LRMDA: variants seen among roughly 807,000 people sequenced by gnomAD.
The protein encoded by LRMDA is leucine-rich melanocyte differentiation-associated protein.
Under a neutral mutation model 29.8 loss-of-function variants are expected in LRMDA, and 18 were observed. That is an observed-to-expected ratio of 0.60 (90% CI 0.42 to 0.90). LRMDA has a LOEUF of 0.90. Ranked by LOEUF, LRMDA falls within the 40% of genes least tolerant of loss-of-function variation. LRMDA has a pLI of 0.00. For missense variants in LRMDA, 273 were observed against 273.9 expected (o/e 1.00, Z 0.02); for synonymous variants, 125 against 109.4 (o/e 1.14, Z -0.89).
At chr10:75,522,556 T>A (rs1056800275) in intron 2 of LRMDA, among the ~76,000 whole-genome samples, 3 of 152,170 alleles carry the variant, frequency 2.0e-5, no homozygotes, top group Non-Finnish European at 2.9e-5. Flanking sequence ...ACCTCCTTGT[T>A]TTAAAGAGAA....
At chr10:76,479,289 T>C (rs1842712544) in intron 6 of LRMDA, among the ~76,000 whole-genome samples, 1 of 151,826 alleles carries the variant, frequency 6.6e-6, no homozygotes, top group Non-Finnish European at 1.5e-5. Flanking sequence ...TACTAGGCAA[T>C]GTGGGGCAAG....
intron 5 of LRMDA, among the ~76,000 whole-genome samples, chr10:76,305,328 G>C (rs1470304318): frequency 6.6e-6 from 1 of 152,218 alleles, no homozygotes; most frequent in East Asian, 1.9e-4. Context: ...AACGGAGTCA[G>C]GAAAAATGTT....
At chr10:75,947,595 G>C (rs925519596) in intron 2 of LRMDA, among the ~76,000 whole-genome samples, 1 of 152,172 alleles carries the variant, frequency 6.6e-6, no homozygotes, top group Admixed American at 6.5e-5. Context: ...TTTTAGCTGG[G>C]TGACCTTGGG....
At chr10:75,987,660 T>C (rs1847284162) in intron 2 of LRMDA, among the ~76,000 whole-genome samples, 1 of 152,162 alleles carries the variant, frequency 6.6e-6, no homozygotes, top group African/African-American at 2.4e-5. Flanking sequence ...CTTCGAAGTC[T>C]TTCCAGATGG....
At chr10:75,836,238 T>C (rs1296456033) in intron 2 of LRMDA, among the ~76,000 whole-genome samples, 1 of 152,180 alleles carries the variant, frequency 6.6e-6, no homozygotes, top group Non-Finnish European at 1.5e-5. Flanking sequence ...GCTAGATTCT[T>C]GCAGCTGCAC....
chr10:76,521,479 T>C (rs1014095722), intron 6 of LRMDA, among the ~76,000 whole-genome samples: 2 of 152,224 alleles, frequency 1.3e-5, no homozygotes, highest in Non-Finnish European at 2.9e-5. Flanking sequence ...ATAGAGTCAA[T>C]ACATAATTAT....
chr10:75,627,702 C>T (rs938008879), intron 2 of LRMDA, among the ~76,000 whole-genome samples: 1 of 152,190 alleles, frequency 6.6e-6, no homozygotes, highest in African/African-American at 2.4e-5. Flanking sequence ...AAATCTACCT[C>T]TACCACAGGA....
chr10:76,033,154 C>A (rs1848179819), intron 2 of LRMDA, among the ~76,000 whole-genome samples: 1 of 152,150 alleles, frequency 6.6e-6, no homozygotes, highest in South Asian at 2.1e-4. Context: ...CAAAACCTAT[C>A]TTCCCCAGTA....
intron 2 of LRMDA, among the ~76,000 whole-genome samples, chr10:75,508,372 C>T (rs933610987): frequency 1.4e-4 from 21 of 152,278 alleles, no homozygotes; most frequent in South Asian, 8.3e-4. Flanking sequence ...TACCTATCAG[C>T]TTGTCAGGTC....
chr10:76,059,618 G>T (rs551912674), intron 5 of LRMDA, among the ~76,000 whole-genome samples: 52 of 152,168 alleles, frequency 3.4e-4, no homozygotes, highest in Non-Finnish European at 5.6e-4. Context: ...ATTGCAACTT[G>T]TGTGTTGAAA....
chr10:75,973,168 A>AT (rs1283652378), intron 2 of LRMDA, among the ~76,000 whole-genome samples: 3 of 152,108 alleles, frequency 2.0e-5, no homozygotes, highest in African/African-American at 7.2e-5. Flanking sequence ...AGTAGGTACT[A>AT]TTTTTCATCC....
At chr10:75,880,905 G>A (rs1004737130) in intron 2 of LRMDA, among the ~76,000 whole-genome samples, 1 of 152,218 alleles carries the variant, frequency 6.6e-6, no homozygotes. Flanking sequence ...CAGTCGGGCA[G>A]CCAGGACAGG....
intron 5 of LRMDA, among the ~76,000 whole-genome samples, chr10:76,271,241 C>G (rs1840064829): frequency 6.6e-6 from 1 of 152,140 alleles, no homozygotes; most frequent in Admixed American, 6.5e-5. Flanking sequence ...AACTCCATTT[C>G]TACAAAAAGT....
chr10:76,046,095 C>T (rs1848434235), intron 3 of LRMDA, among the ~76,000 whole-genome samples: 1 of 151,036 alleles, frequency 6.6e-6, no homozygotes, highest in Non-Finnish European at 1.5e-5. Context: ...AGCTCTGCTG[C>T]CATTCCCTGG....
chr10:76,449,879 A>G (rs1048372629), intron 6 of LRMDA, among the ~76,000 whole-genome samples: 1 of 152,012 alleles, frequency 6.6e-6, no homozygotes, highest in Non-Finnish European at 1.5e-5. Flanking sequence ...GTGTTATGCT[A>G]TCAACATTTT....
intron 2 of LRMDA, among the ~76,000 whole-genome samples, chr10:75,739,268 A>G (rs1842801424): frequency 6.6e-6 from 1 of 152,334 alleles, no homozygotes; most frequent in African/African-American, 2.4e-5. Context: ...AGCGAATGCT[A>G]TTGTTGCCTT....
intron 5 of LRMDA, among the ~76,000 whole-genome samples, chr10:76,149,844 G>C (rs1040648834): frequency 6.6e-6 from 1 of 152,206 alleles, no homozygotes; most frequent in Non-Finnish European, 1.5e-5. Context: ...ATCTTCCACA[G>C]GGATTAATTG....
At chr10:76,493,376 C>T (rs1842852383) in intron 6 of LRMDA, among the ~76,000 whole-genome samples, 1 of 151,960 alleles carries the variant, frequency 6.6e-6, no homozygotes, top group Non-Finnish European at 1.5e-5. Flanking sequence ...TGCTGCCAGG[C>T]CTGGGACCCA....
intron 2 of LRMDA, among the ~76,000 whole-genome samples, chr10:75,871,415 GGAC>G (rs1249437780): frequency 1.3e-5 from 2 of 152,188 alleles, no homozygotes; most frequent in African/African-American, 2.4e-5. Context: ...AACTGATGGG[GGAC>G]TAAAGCTGAT....
Sources: allele counts gnomAD v4.1 joint callset (sites outside exome capture counted in the v4.1 genomes callset), GRCh38; gene constraint gnomAD v4.1.1; transcripts MANE v1.5; gene names NCBI Gene and HGNC (gene_info 2026-07-23, HGNC 2026-07-21).